IFI27L1: variants seen among roughly 807,000 people sequenced by gnomAD.
IFI27L1 encodes interferon alpha inducible protein 27 like 1.
In IFI27L1, 3 loss-of-function variants were observed where a neutral mutation model predicts 9.2. The ratio of observed to expected loss-of-function variants is 0.32; its 90% confidence interval spans 0.15 to 0.84. The LOEUF is 0.84. IFI27L1 is among the 40% of genes least tolerant of loss of function. The pLI, the probability that IFI27L1 is intolerant of heterozygous loss-of-function variation, is 0.56. For missense variants in IFI27L1, 133 were observed against 134.2 expected, an observed-to-expected ratio of 0.99 and a Z score of 0.05; for synonymous variants, 53 against 50.0, an observed-to-expected ratio of 1.06 and a Z score of -0.26.
intron 1 of IFI27L1, among the ~76,000 whole-genome samples, chr14:94,091,956 TC>T (rs1258684811): frequency 6.6e-6 from 1 of 151,678 alleles, no homozygotes; most frequent in African/African-American, 2.4e-5. Context: ...AAACCCTGTC[TC>T]TACTAAAAAT....
chr14:94,092,382 G>A (rs977500929), intron 1 of IFI27L1, among the ~76,000 whole-genome samples: 3 of 151,728 alleles, frequency 2.0e-5, no homozygotes, highest in African/African-American at 4.8e-5. Context: ...TGGGTGGTGC[G>A]CTTTTGTAAT....
chr14:94,097,039 C>A, intron 2 of IFI27L1, 74 bp downstream of exon 2: 1 of 1,246,116 alleles, frequency 8.0e-7, no homozygotes, highest in South Asian at 1.4e-5. Flanking sequence ...ACTCTTCTGA[C>A]ACCAGATTAT....
chr14:94,098,985 GAA>G (rs1886784920), intron 2 of IFI27L1, among the ~76,000 whole-genome samples: 1 of 152,230 alleles, frequency 6.6e-6, no homozygotes, highest in African/African-American at 2.4e-5. Flanking sequence ...TGAATGGACA[GAA>G]CTACCACAAG....
intron 1 of IFI27L1, among the ~76,000 whole-genome samples, chr14:94,096,583 A>T (rs1346789295): frequency 5.3e-5 from 8 of 151,654 alleles, no homozygotes; most frequent in African/African-American, 1.7e-4. Context: ...AATCCCAGCT[A>T]CTCAGGAGGC....
At chr14:94,084,670 A>G (rs1886220249) in intron 1 of IFI27L1, among the ~76,000 whole-genome samples, 2 of 152,218 alleles carry the variant, frequency 1.3e-5, no homozygotes, top group Admixed American at 1.3e-4. Context: ...CAGTTATTCA[A>G]TTGAGACATG....
chr14:94,092,009 C>T (rs552779300), intron 1 of IFI27L1, among the ~76,000 whole-genome samples: 1 of 151,614 alleles, frequency 6.6e-6, no homozygotes, highest in Admixed American at 6.6e-5. Flanking sequence ...GCCTGTAATC[C>T]CAGCTACTTG....
At position 94,101,814 on chromosome 14, in the gene IFI27L1, T is replaced by C. The variant is rs756612002; in HGVS notation, c.62T>C (p.Val21Ala). Residue 21 changes from valine to alanine, a missense_variant and splice_region_variant, in exon 4 of 5, where the codon GTT becomes GCT. By Grantham distance (64) the Val-to-Ala change is moderately conservative. Transcript: ENST00000555523. ...RAAVAAVVGGVVAVGTVLVAL... is the reference protein window; with the variant it reads ...RAAVAAVVGGAVAVGTVLVAL... ...AACCCCAAATCTCCACTTCCCGCAG[T>C]TGTGGCTGTGGGGACTGTGCTCGTG... 2.5e-6 allele frequency: 4 copies of C among 1,614,210 alleles called. No homozygotes were observed. Among genetic ancestry groups the C allele is most frequent in the Non-Finnish European group, 3.4e-6 (4 of 1,180,024 alleles).
Position 94,101,810 on chromosome 14 carries a change from G to C in IFI27L1, c.62-4G>C, listed in dbSNP as rs201917237. 4.3e-6 allele frequency: 7 copies of C among 1,614,168 alleles called. No individual in the cohort carries two copies. In the South Asian group the frequency reaches 6.6e-5, roughly 15 times the overall value. ...GGCCAACCCCAAATCTCCACTTCCC[G>C]CAGTTGTGGCTGTGGGGACTGTGCT... On this transcript the variant is annotated splice_region_variant and splice_polypyrimidine_tract_variant and intron_variant, in intron 3 of 4. Transcript: ENST00000555523.
chr14:94,099,848 AG>A (rs869071996), intron 2 of IFI27L1, among the ~76,000 whole-genome samples: 35 of 25,244 alleles, frequency 1.4e-3, no homozygotes, highest in African/African-American at 0.014. Flanking sequence ...GGTCTAGGAC[AG>A]AATGCTAATA....
chr14:94,093,556 A>G (rs1180090892), intron 1 of IFI27L1, among the ~76,000 whole-genome samples: 1 of 152,154 alleles, frequency 6.6e-6, no homozygotes, highest in Non-Finnish European at 1.5e-5. Context: ...AACATTCTAC[A>G]CTAGCTGACA....
intron 4 of IFI27L1, 198 bp downstream of exon 4, chr14:94,102,173 C>T: frequency 1.6e-6 from 1 of 633,906 alleles, no homozygotes; most frequent in Admixed American, 2.9e-5. Flanking sequence ...GTGAACCCTA[C>T]AAAACCCAGG....
chr14:94,091,674 C>G (rs1354250235), intron 1 of IFI27L1, among the ~76,000 whole-genome samples: 2 of 151,812 alleles, frequency 1.3e-5, no homozygotes, highest in Non-Finnish European at 2.9e-5. Flanking sequence ...AAGTCATTTA[C>G]TTAGCTGAAA....
At chr14:94,098,843 C>T (rs1029764459) in intron 2 of IFI27L1, among the ~76,000 whole-genome samples, 3 of 152,300 alleles carry the variant, frequency 2.0e-5, no homozygotes, top group Non-Finnish European at 2.9e-5. Context: ...TAGACCCTCC[C>T]ACTAACCCTG....
rs553248609 is a variant in IFI27L1, at chr14:94,092,289, G to A, written c.-51-4598G>A. Among the ~76,000 whole-genome samples the A allele has an allele frequency of 5.1e-4, 78 of 151,926 alleles. 1 individual carries two copies. Among genetic ancestry groups the A allele is most frequent in the Admixed American group, 9.8e-4 (15 of 15,250 alleles). Reference sequence around the variant, plus strand: ...AGCACTTTGGGAGGCTGAGGTGGGCGGATCACGAGGTCAGGAGTTTGAGAC... The same window carrying A: ...AGCACTTTGGGAGGCTGAGGTGGGCAGATCACGAGGTCAGGAGTTTGAGAC... On this transcript the variant is annotated intron_variant, in intron 1 of 4. Transcript: ENST00000555523.
At chr14:94,099,093 A>G (rs1886788609) in intron 2 of IFI27L1, among the ~76,000 whole-genome samples, 1 of 152,202 alleles carries the variant, frequency 6.6e-6, no homozygotes. Flanking sequence ...GGTATTGGGA[A>G]CAATCCCAGA....
rs1196544014 is a variant in IFI27L1 at position 94,101,863 on chromosome 14, C to G, written c.111C>G (p.Thr37=). Reference sequence around the variant, plus strand: ...TGGCGCTCAGTGCCATGGGCTTCACCTCAGTAGGAATCGCCGCATCCTCCA... The same window carrying G: ...TGGCGCTCAGTGCCATGGGCTTCACGTCAGTAGGAATCGCCGCATCCTCCA... ...VLVALSAMGF[T]SVGIAASSIA... The change falls in exon 4 of 5, where the codon ACC becomes ACG. Residue 37 remains threonine (T), a synonymous_variant. Coordinates refer to ENST00000555523, the MANE Select transcript of IFI27L1 (RefSeq NM_206949.3). 1 of 1,614,244 alleles carries G rather than the reference C, an allele frequency of 6.2e-7. No homozygotes were observed. The highest frequency in any genetic ancestry group is 1.7e-5 in the Admixed American group (1 of 60,032).
At chr14:94,082,826 T>A (rs931870946) in intron 1 of IFI27L1, among the ~76,000 whole-genome samples, 1 of 152,232 alleles carries the variant, frequency 6.6e-6, no homozygotes, top group Admixed American at 6.5e-5. Flanking sequence ...ACACGAGAGC[T>A]CTAATGGAGA....
chr14:94,099,836 A>G (rs1886825945), intron 2 of IFI27L1, among the ~76,000 whole-genome samples: 2 of 108,604 alleles, frequency 1.8e-5, no homozygotes, highest in Admixed American at 1.7e-4. Flanking sequence ...TGTTATTAAC[A>G]AGGTCTAGGA....
chr14:94,082,030 G>T, intron 1 of IFI27L1, among the ~76,000 whole-genome samples: 1 of 152,208 alleles, frequency 6.6e-6, no homozygotes, highest in East Asian at 1.9e-4. Context: ...TGAAAGCTAG[G>T]CTGAAAGTTT....
Sources: allele counts gnomAD v4.1 joint callset (sites outside exome capture counted in the v4.1 genomes callset), GRCh38; gene constraint gnomAD v4.1.1; transcripts MANE v1.5; gene names NCBI Gene and HGNC (gene_info 2026-07-23, HGNC 2026-07-21).